Variants in SLC44A5 observed in about 807,000 individuals in gnomAD.
SLC44A5 encodes choline transporter-like protein 5.
In SLC44A5, 57 loss-of-function variants were observed where a neutral mutation model predicts 101.8. The observed-to-expected ratio is 0.56, with a 90% CI of 0.45 to 0.70. The LOEUF is 0.70. Among genes scored for constraint, SLC44A5 ranks in the 30% least tolerant of loss-of-function variants. The pLI is 0.00. For missense variants in SLC44A5, 737 were observed against 853.1 expected (o/e 0.86, Z 1.70); for synonymous variants, 281 against 290.9 (o/e 0.97, Z 0.35).
chr1:75,672,695 T>C, the SLC44A5 span, among the ~76,000 whole-genome samples: 2 of 152,070 alleles, frequency 1.3e-5, no homozygotes, highest in African/African-American at 4.8e-5. Context: ...GAGAGATTCC[T>C]TTTCTCTGCT....
intron 6 of SLC44A5, among the ~76,000 whole-genome samples, chr1:75,257,645 A>T (rs1650125498): frequency 6.6e-6 from 1 of 152,108 alleles, no homozygotes; most frequent in Non-Finnish European, 1.5e-5. Flanking sequence ...AGGCACTGAG[A>T]CTAACATAGG....
At chr1:75,444,455 G>GAA (rs1491219213) in intron 2 of SLC44A5, among the ~76,000 whole-genome samples, 3 of 117,730 alleles carry the variant, frequency 2.5e-5, no homozygotes, top group Admixed American at 8.9e-5. Flanking sequence ...AAGAAAGAAA[G>GAA]AAAAAGAAAA....
chr1:75,597,928 A>C (rs1674743265), intron 1 of SLC44A5, among the ~76,000 whole-genome samples: 2 of 152,190 alleles, frequency 1.3e-5, no homozygotes, highest in South Asian at 4.1e-4. Flanking sequence ...ACAAAAGAAA[A>C]AAATTGACAA....
the SLC44A5 span, among the ~76,000 whole-genome samples, chr1:75,715,538 G>A: frequency 5.3e-5 from 8 of 152,134 alleles, no homozygotes; most frequent in Admixed American, 2.6e-4. Context: ...AAAAACAAGC[G>A]ATGCGGATAA....
At position 75,219,616 on chromosome 1, in the gene SLC44A5, A is replaced by G. The variant is rs552236418; in HGVS notation, c.1178+184T>C. On this transcript the variant is annotated intron_variant, in intron 15 of 23. Coordinates refer to ENST00000370859, the MANE Select transcript of SLC44A5 (RefSeq NM_001130058.2). Reference sequence around the variant, plus strand: ...GGAGACAAAATAAAACAAATCTACAATATGAACTATTTGAGGGGAAATTCA... The same window carrying G: ...GGAGACAAAATAAAACAAATCTACAGTATGAACTATTTGAGGGGAAATTCA... Among the ~76,000 whole-genome samples, 227 of 152,272 alleles carry G rather than the reference A, an allele frequency of 1.5e-3. 1 individual carries two copies. Among genetic ancestry groups the G allele is most frequent in the African/African-American group, 5.2e-3 (217 of 41,552 alleles).
At chr1:75,701,850 T>C in the SLC44A5 span, among the ~76,000 whole-genome samples, 30 of 152,248 alleles carry the variant, frequency 2.0e-4, no homozygotes, top group Non-Finnish European at 1.0e-4. Context: ...ACAAGCATTC[T>C]TATATACCAA....
chr1:75,616,269 G>A, the SLC44A5 span, among the ~76,000 whole-genome samples: 1 of 145,890 alleles, frequency 6.9e-6, no homozygotes, highest in Non-Finnish European at 1.5e-5. Flanking sequence ...CCGGTGTCCC[G>A]TCTGAGCCGC....
chr1:75,206,813 G>A, intron 23 of SLC44A5: 1 of 723,044 alleles, frequency 1.4e-6, no homozygotes, highest in Non-Finnish European at 2.3e-6. Context: ...GGAAAAATCA[G>A]AAAAATCAGT....
At chr1:75,713,702 AG>A in the SLC44A5 span, among the ~76,000 whole-genome samples, 1 of 146,124 alleles carries the variant, frequency 6.8e-6, no homozygotes, top group Admixed American at 6.6e-5. Flanking sequence ...ACATAATTAA[AG>A]TAAGTCCTGC....
At chr1:75,342,302 T>C (rs1470463244) in intron 3 of SLC44A5, among the ~76,000 whole-genome samples, 1 of 152,220 alleles carries the variant, frequency 6.6e-6, no homozygotes, top group African/African-American at 2.4e-5. Flanking sequence ...TCTTGCACAA[T>C]TCCACATAGA....
At chr1:75,297,134 C>T (rs1044583120) in intron 5 of SLC44A5, among the ~76,000 whole-genome samples, 8 of 151,978 alleles carry the variant, frequency 5.3e-5, no homozygotes, top group Non-Finnish European at 1.2e-4. Context: ...TTCTCAGCTA[C>T]TAGAGATAAT....
In SLC44A5 at chr1:75,525,035, T is replaced by C. The variant is rs181684477; in HGVS notation, c.13+16400A>G. On this transcript the variant is annotated intron_variant, in intron 2 of 23. Transcript: ENST00000370859. Reference sequence around the variant, plus strand: ...GGCAAAGTTATTCTTCACAGAACAATGTCAGCTACTAAATATAGAAAAAAT... The same window carrying C: ...GGCAAAGTTATTCTTCACAGAACAACGTCAGCTACTAAATATAGAAAAAAT... Among the ~76,000 whole-genome samples the C allele has an allele frequency of 1.8e-3, 278 of 152,226 alleles. 2 individuals carry two copies. The highest frequency in any genetic ancestry group is 1.6e-3 in the Non-Finnish European group (107 of 67,970).
chr1:75,288,723 C>T lies in SLC44A5; in HGVS notation c.175+11889G>A, dbSNP rs181859756. ...CTATGCTAGAACAAATCAAAACAGC[C>T]TCTGTCACTTTGGATGCAGCACTAG... On this transcript the variant is annotated intron_variant, in intron 5 of 23. Transcript: ENST00000370859. Among the ~76,000 whole-genome samples the T allele has an allele frequency of 3.9e-5, 6 of 152,246 alleles. No individual in the cohort carries two copies. The East Asian group carries it at 1.2e-3, about 29-fold the overall frequency.
intron 1 of SLC44A5, among the ~76,000 whole-genome samples, chr1:75,552,343 T>C (rs1671980960): frequency 6.6e-6 from 1 of 152,168 alleles, no homozygotes; most frequent in Non-Finnish European, 1.5e-5. Flanking sequence ...AATGTATGTA[T>C]TTTAGGCCTA....
At chr1:75,551,881 G>C (rs941070468) in intron 1 of SLC44A5, among the ~76,000 whole-genome samples, 5 of 152,034 alleles carry the variant, frequency 3.3e-5, no homozygotes, top group African/African-American at 1.2e-4. Flanking sequence ...CAACTCACAA[G>C]GGAAAAGAAT....
At chr1:75,615,815 G>A, upstream of SLC44A5, 1 of 973,342 alleles carries the variant, frequency 1.0e-6, no homozygotes, top group Non-Finnish European at 1.2e-6. Context: ...GCGGGTGAGA[G>A]AGGGGAGGCG....
the SLC44A5 span, among the ~76,000 whole-genome samples, chr1:75,677,227 T>C: frequency 3.3e-5 from 5 of 152,298 alleles, 1 homozygote; most frequent in African/African-American, 7.2e-5. Flanking sequence ...AATTGTGATA[T>C]GTAAACTACT....
intron 1 of SLC44A5, among the ~76,000 whole-genome samples, chr1:75,561,710 T>C (rs1274371193): frequency 6.6e-6 from 1 of 152,208 alleles, no homozygotes; most frequent in Non-Finnish European, 1.5e-5. Context: ...TCTCTACTGT[T>C]TGCAGAATAA....
At chr1:75,259,649 G>A (rs1287396332) in intron 6 of SLC44A5, among the ~76,000 whole-genome samples, 2 of 152,120 alleles carry the variant, frequency 1.3e-5, no homozygotes. Flanking sequence ...AGCAAGGCAG[G>A]CCAATATTCA....
Sources: allele counts gnomAD v4.1 joint callset (sites outside exome capture counted in the v4.1 genomes callset), GRCh38; gene constraint gnomAD v4.1.1; transcripts MANE v1.5; gene names NCBI Gene and HGNC (gene_info 2026-07-23, HGNC 2026-07-21).